The following APBB2 variants were observed in gnomAD, a reference collection of about 807,000 sequenced individuals.
The protein encoded by APBB2 is Fe65-like 1.
A neutral mutation model predicts 82.5 loss-of-function variants in APBB2; 38 were observed. The ratio of observed to expected loss-of-function variants is 0.46; its 90% CI spans 0.36 to 0.60. APBB2 has a LOEUF of 0.60. Ranked by LOEUF, APBB2 falls within the 20% of genes least tolerant of loss-of-function variation. The pLI is 0.00. For synonymous variants in APBB2, 341 were observed against 368.2 expected (o/e 0.93, Z 0.85); for missense variants, 772 against 972.3 (o/e 0.79, Z 2.74).
intron 12 of APBB2, among the ~76,000 whole-genome samples, chr4:40,860,125 C>G (rs1762411301): frequency 6.6e-6 from 1 of 152,238 alleles, no homozygotes; most frequent in Non-Finnish European, 1.5e-5. Context: ...GGTTTTGTTT[C>G]TGTACAGTGA....
At chr4:41,123,945 T>C (rs1011866803) in intron 2 of APBB2, among the ~76,000 whole-genome samples, 2 of 152,142 alleles carry the variant, frequency 1.3e-5, no homozygotes, top group Admixed American at 6.5e-5. Context: ...AACTGAACAC[T>C]GTGTGGACTA....
At chr4:40,829,042 A>T (rs1750940501) in intron 13 of APBB2, among the ~76,000 whole-genome samples, 1 of 152,198 alleles carries the variant, frequency 6.6e-6, no homozygotes, top group African/African-American at 2.4e-5. Context: ...AACAGAGGGG[A>T]TGGCAAAATT....
chr4:40,853,244 A>C (rs540611990), intron 12 of APBB2, among the ~76,000 whole-genome samples: 1 of 152,058 alleles, frequency 6.6e-6, no homozygotes. Context: ...TCCTGTTCCC[A>C]ATATCTATTC....
intron 10 of APBB2, among the ~76,000 whole-genome samples, chr4:40,928,280 T>C (rs1005775254): frequency 6.6e-6 from 1 of 152,206 alleles, no homozygotes; most frequent in African/African-American, 2.4e-5. Context: ...CAGTGGCTCA[T>C]GCCTGTAATC....
intron 17 of APBB2, among the ~76,000 whole-genome samples, chr4:40,818,847 G>A (rs953937403): frequency 1.3e-5 from 2 of 151,960 alleles, no homozygotes; most frequent in East Asian, 1.9e-4. Flanking sequence ...TCTTTTCTAC[G>A]CCCCACCTTT....
At chr4:41,009,496 G>C (rs1414326720) in intron 6 of APBB2, among the ~76,000 whole-genome samples, 4 of 152,160 alleles carry the variant, frequency 2.6e-5, no homozygotes, top group Non-Finnish European at 4.4e-5. Flanking sequence ...CAGTAGTAAA[G>C]GAAAATAGAA....
chr4:41,141,685 G>A (rs534041755), intron 2 of APBB2, among the ~76,000 whole-genome samples: 7 of 152,304 alleles, frequency 4.6e-5, no homozygotes, highest in South Asian at 2.1e-4. Context: ...TAAGTTCCAT[G>A]TGGCTGGGGA....
chr4:41,075,574 A>G (rs1170276923), intron 3 of APBB2, among the ~76,000 whole-genome samples: 1 of 152,204 alleles, frequency 6.6e-6, no homozygotes, highest in African/African-American at 2.4e-5. Context: ...CACAACTGGG[A>G]CCACTGGATA....
intron 10 of APBB2, among the ~76,000 whole-genome samples, chr4:40,909,554 C>T (rs931498076): frequency 1.3e-5 from 2 of 152,182 alleles, no homozygotes; most frequent in Non-Finnish European, 2.9e-5. Flanking sequence ...GCCCAGGAAC[C>T]AGGCTGGCAT....
chr4:40,974,212 C>G (rs899691610), intron 6 of APBB2, among the ~76,000 whole-genome samples: 1 of 144,010 alleles, frequency 6.9e-6, no homozygotes, highest in Non-Finnish European at 1.5e-5. Flanking sequence ...ATGACCTTAC[C>G]TTAACTTGAT....
At chr4:40,882,287 A>T (rs1768851838) in intron 12 of APBB2, among the ~76,000 whole-genome samples, 1 of 152,194 alleles carries the variant, frequency 6.6e-6, no homozygotes, top group South Asian at 2.1e-4. Context: ...CAATAATTAA[A>T]ACATAGAAGC....
intron 6 of APBB2, among the ~76,000 whole-genome samples, chr4:41,002,433 G>A (rs1805500194): frequency 6.6e-6 from 1 of 152,194 alleles, no homozygotes; most frequent in Admixed American, 6.5e-5. Context: ...TAGATCCAAG[G>A]ATGCTGCTAC....
rs79060699 is a variant in APBB2, at chr4:40,959,511, G to A, written c.836-14438C>T. 4.6e-3 allele frequency among the ~76,000 whole-genome samples: 700 copies of A among 152,212 alleles called. 26 individuals carry two copies. The East Asian group carries it at 0.11, about 23-fold the overall frequency. On this transcript the variant is annotated intron_variant, in intron 6 of 17. Transcript: ENST00000508593. ...AGAAGTGGCCTTGATCAACTCCAACGTCATTATTCTTCTAAATGGTGGCAT... is the reference window on the plus strand; with the variant it reads ...AGAAGTGGCCTTGATCAACTCCAACATCATTATTCTTCTAAATGGTGGCAT...
At chr4:41,077,148 G>A (rs1455723957) in intron 3 of APBB2, among the ~76,000 whole-genome samples, 1 of 151,052 alleles carries the variant, frequency 6.6e-6, no homozygotes, top group Admixed American at 6.6e-5. Flanking sequence ...AGGACTACAG[G>A]CGCATACCAC....
chr4:40,864,248 G>A (rs1395494369), intron 12 of APBB2, among the ~76,000 whole-genome samples: 13 of 116,150 alleles, frequency 1.1e-4, no homozygotes, highest in South Asian at 5.0e-4. Context: ...GTGAGACTCC[G>A]TCTCAATAAA....
At chr4:41,021,272 CT>C (rs1481735085) in intron 5 of APBB2, among the ~76,000 whole-genome samples, 7 of 152,336 alleles carry the variant, frequency 4.6e-5, no homozygotes, top group Admixed American at 4.6e-4. Flanking sequence ...GTCTTCGCCC[CT>C]ATCCAGCAGG....
chr4:41,141,334 G>GTGTGTGTC (rs1553962378), intron 2 of APBB2, among the ~76,000 whole-genome samples: 5 of 99,088 alleles, frequency 5.0e-5, no homozygotes, highest in African/African-American at 1.9e-4. Context: ...GTGTGTGTCT[G>GTGTGTGTC]TGTGTGTGTG....
chr4:40,992,526 GTAGT>G (rs909023007), intron 6 of APBB2, among the ~76,000 whole-genome samples: 2 of 152,076 alleles, frequency 1.3e-5, no homozygotes, highest in Non-Finnish European at 2.9e-5. Flanking sequence ...ACCTTCTGAT[GTAGT>G]TAAACAACAT....
intron 2 of APBB2, among the ~76,000 whole-genome samples, chr4:41,109,504 T>G (rs1248625320): frequency 6.6e-6 from 1 of 151,990 alleles, no homozygotes; most frequent in East Asian, 1.9e-4. Context: ...GGAGTCTCGC[T>G]CTGTCACCCA....
Sources: gnomAD v4.1 joint callset for allele counts (sites outside exome capture counted in the v4.1 genomes callset) on GRCh38, gnomAD v4.1.1 for gene constraint, MANE v1.5 for transcripts, NCBI Gene and HGNC (gene_info 2026-07-23, HGNC 2026-07-21) for gene names.